The following UAP1 variants were observed in gnomAD, a reference collection of about 807,000 sequenced individuals.
The protein encoded by UAP1 is UDP-N-acetylhexosamine pyrophosphorylase.
In UAP1, 25 loss-of-function variants were observed where a neutral mutation model predicts 58.5. That is an observed-to-expected ratio of 0.43 (90% CI 0.31 to 0.60). UAP1 has a LOEUF of 0.60. Among genes scored for constraint, UAP1 ranks in the 20% least tolerant of loss-of-function variants. The pLI is 0.11. For missense variants in UAP1, 575 were observed against 630.0 expected (o/e 0.91, Z 0.93); for synonymous variants, 208 against 213.0 (o/e 0.98, Z 0.21).
At chr1:162,577,295 T>C (rs1201905560) in intron 3 of UAP1, among the ~76,000 whole-genome samples, 1 of 151,912 alleles carries the variant, frequency 6.6e-6, no homozygotes, top group African/African-American at 2.4e-5. Flanking sequence ...CCCACACCCA[T>C]GCGCCTCTTC....
intron 2 of UAP1, among the ~76,000 whole-genome samples, chr1:162,573,979 AAATAGCTGGAATG>A (rs1451204515): frequency 6.6e-6 from 1 of 152,024 alleles, no homozygotes; most frequent in African/African-American, 2.4e-5. Context: ...AAAAAAGAAG[AAATAGCTGGAATG>A]ATTGCTGAAT....
chr1:162,565,290 T>G (rs943682404), intron 1 of UAP1, among the ~76,000 whole-genome samples: 1 of 152,218 alleles, frequency 6.6e-6, no homozygotes, highest in Non-Finnish European at 1.5e-5. Flanking sequence ...TTCTTATTTT[T>G]TAGCACTATG....
At chr1:162,580,011 C>T (rs766634358) in intron 4 of UAP1, among the ~76,000 whole-genome samples, 8 of 152,022 alleles carry the variant, frequency 5.3e-5, no homozygotes, top group Non-Finnish European at 8.8e-5. Context: ...ATTACAGGCA[C>T]GCGCCACCAT....
chr1:162,585,406 A>G (rs529147400), intron 5 of UAP1, among the ~76,000 whole-genome samples: 65 of 151,672 alleles, frequency 4.3e-4, no homozygotes, highest in African/African-American at 1.5e-3. Context: ...TACAGTGCCT[A>G]CCACCATGCC....
intron 2 of UAP1, among the ~76,000 whole-genome samples, chr1:162,568,655 A>G (rs1355571037): frequency 6.6e-6 from 1 of 152,202 alleles, no homozygotes; most frequent in Non-Finnish European, 1.5e-5. Context: ...GTTTGATACC[A>G]TGACTTCTAT....
chr1:162,584,542 C>T (rs1394855695), intron 5 of UAP1, among the ~76,000 whole-genome samples: 3 of 152,166 alleles, frequency 2.0e-5, no homozygotes, highest in Admixed American at 2.0e-4. Flanking sequence ...TATGCAGTGG[C>T]ATTATCATGG....
chr1:162,576,996 A>G lies in UAP1; in HGVS notation c.485+15A>G. On this transcript the variant is annotated intron_variant, in intron 3 of 10. Transcript: ENST00000271469. The stretch of plus-strand genomic sequence containing the variant: ...ATTATTCCATGGTAAGATACGTCTC[A>G]TTATTGGAGTGTGTCTGAACATATA... 6.2e-7 allele frequency: 1 copy of G among 1,610,390 alleles called. No individual in the cohort carries two copies. Among genetic ancestry groups the G allele is most frequent in the Non-Finnish European group, 8.5e-7 (1 of 1,176,612 alleles).
intron 9 of UAP1, among the ~76,000 whole-genome samples, chr1:162,595,165 ACATTTGGTGATGGTAGCT>A (rs1490865725): frequency 2.6e-5 from 4 of 152,138 alleles, no homozygotes; most frequent in African/African-American, 9.7e-5. Flanking sequence ...CTGAGATTTT[ACATTTGGTGATGGTAGCT>A]TCTGTTTTCC....
chr1:162,563,363 T>TTTTTTA (rs926190303), intron 1 of UAP1, among the ~76,000 whole-genome samples: 4 of 152,092 alleles, frequency 2.6e-5, no homozygotes, highest in South Asian at 2.1e-4. Flanking sequence ...TACCCTTTTT[T>TTTTTTA]TTTTTATTTT....
At chr1:162,577,359 G>A (rs1654256145) in intron 3 of UAP1, among the ~76,000 whole-genome samples, 1 of 148,438 alleles carries the variant, frequency 6.7e-6, no homozygotes. Flanking sequence ...GGCCATACTT[G>A]TGTCCTCAGC....
intron 4 of UAP1, among the ~76,000 whole-genome samples, chr1:162,581,072 G>A (rs1400928517): frequency 2.6e-5 from 4 of 152,186 alleles, no homozygotes; most frequent in Non-Finnish European, 5.9e-5. Flanking sequence ...TACATTGATA[G>A]TGTTATTCTC....
exon 4 of UAP1, chr1:162,579,576 GAGA>G (rs1654457409): frequency 6.2e-7 from 1 of 1,600,132 alleles, no homozygotes. Context: ...TATTTTGGAA[GAGA>G]AGAACAAAGT....
intron 9 of UAP1, among the ~76,000 whole-genome samples, chr1:162,596,015 C>T (rs1351579786): frequency 6.6e-6 from 1 of 151,736 alleles, no homozygotes; most frequent in African/African-American, 2.4e-5. Context: ...CCAAGCCCAG[C>T]TAATTTTTTG....
At chr1:162,595,932 A>G (rs1404389524) in intron 9 of UAP1, among the ~76,000 whole-genome samples, 1 of 152,034 alleles carries the variant, frequency 6.6e-6, no homozygotes, top group Non-Finnish European at 1.5e-5. Context: ...GCTCATTGCA[A>G]CCTTCACCTC....
chr1:162,577,928 T>A (rs1003576098), intron 3 of UAP1, among the ~76,000 whole-genome samples: 1 of 152,102 alleles, frequency 6.6e-6, no homozygotes, highest in South Asian at 2.1e-4. Context: ...TTGTTTTTTT[T>A]ATAGAGACAG....
chr1:162,583,146 C>CTTTTTTTTTTTTTTTTTTTTTTTTT (rs11376471), intron 5 of UAP1, among the ~76,000 whole-genome samples: 1 of 68,044 alleles, frequency 1.5e-5, no homozygotes, highest in African/African-American at 6.2e-5. Context: ...TGGTGTCACT[C>CTTTTTTTTTTTTTTTTTTTTTTTTT]TTTTTTTTTT....
rs67627704 is a variant in UAP1, at chr1:162,577,435, CTTTTTTTTTTTTTTTTTT to C, written c.485+468_485+485del. 2.9e-3 allele frequency among the ~76,000 whole-genome samples: 273 copies of C among 95,264 alleles called. 15 individuals carry two copies. The East Asian group carries it at 0.071, about 25-fold the overall frequency. The allele number at this position is 95,264 out of a possible 152,430, so 62.5% of individuals were successfully genotyped here. A position where few individuals can be genotyped will look rare whatever the true frequency, so the allele number is the denominator to read the frequency against. The stretch of plus-strand genomic sequence containing the variant: ...ACCTTGGTCAGTGTTAGTTCCTTCC[CTTTTTTTTTTTTTTTTTT>C]TTTTTTTTTTTTTGAGACAGGGTCT... On this transcript the variant is annotated intron_variant, in intron 3 of 10. Transcript: ENST00000271469.
intron 6 of UAP1, among the ~76,000 whole-genome samples, chr1:162,588,478 T>A (rs1655053966): frequency 6.6e-6 from 1 of 152,216 alleles, no homozygotes; most frequent in Admixed American, 6.5e-5. Context: ...GTACACAGTT[T>A]TAGTGGAGAC....
chr1:162,574,573 G>A (rs942725449), intron 2 of UAP1, among the ~76,000 whole-genome samples: 3 of 152,238 alleles, frequency 2.0e-5, no homozygotes, highest in Admixed American at 2.0e-4. Context: ...ATTGTGGCCA[G>A]TGGCCAGGTT....
Sources: allele counts gnomAD v4.1 joint callset (sites outside exome capture counted in the v4.1 genomes callset), GRCh38; gene constraint gnomAD v4.1.1; transcripts MANE v1.5; gene names NCBI Gene and HGNC (gene_info 2026-07-23, HGNC 2026-07-21).